The following IFI16 variants were observed in gnomAD, a reference collection of about 807,000 sequenced individuals.
IFI16 encodes the protein interferon gamma inducible protein 16, also known as gamma-interferon-inducible protein 16.
A neutral mutation model predicts 68.4 loss-of-function variants in IFI16; 49 were observed. The ratio of observed to expected loss-of-function variants is 0.72; its 90% CI spans 0.57 to 0.91. IFI16 has a LOEUF of 0.91. IFI16 is among the 40% of genes least tolerant of loss of function. The pLI, the probability that IFI16 is intolerant of heterozygous loss-of-function variation, is 0.00. For synonymous variants in IFI16, 307 were observed against 315.0 expected (o/e 0.97, Z 0.27); for missense variants, 878 against 942.9 (o/e 0.93, Z 0.90).
chr1:159,025,191 C>T (rs2101847826), intron 6 of IFI16, among the ~76,000 whole-genome samples: 1 of 152,324 alleles, frequency 6.6e-6, no homozygotes, highest in Non-Finnish European at 1.5e-5. Flanking sequence ...CGCTCCATTC[C>T]TGCTCAGCGC....
chr1:159,017,641 T>C lies in IFI16; in HGVS notation c.550-588T>C, dbSNP rs142443983. The stretch of plus-strand genomic sequence containing the variant: ...TGTTGTTGTTGAGACAGAGTCTCGC[T>C]CTGTCACCCAGGCTGAAGTGCCGTG... On this transcript the variant is annotated intron_variant, in intron 4 of 11. Coordinates refer to ENST00000295809, the MANE Select transcript of IFI16 (RefSeq NM_001376587.1). 7.8e-3 allele frequency among the ~76,000 whole-genome samples: 1,194 copies of C among 152,198 alleles called. 10 individuals carry two copies. Among genetic ancestry groups the C allele is most frequent in the African/African-American group, 0.027 (1,114 of 41,532 alleles).
chr1:159,013,762 T>C (rs1439452383), intron 1 of IFI16, among the ~76,000 whole-genome samples: 1 of 152,118 alleles, frequency 6.6e-6, no homozygotes, highest in Non-Finnish European at 1.5e-5. Flanking sequence ...TCATGAGGCA[T>C]GAAGACACAA....
intron 6 of IFI16, 147 bp downstream of exon 6, chr1:159,020,676 T>C (rs1653254969): frequency 9.8e-6 from 5 of 512,488 alleles, no homozygotes; most frequent in East Asian, 9.6e-5. Flanking sequence ...ACATTTACTT[T>C]TTTTAATTTT....
At chr1:159,016,053 T>C in intron 3 of IFI16, 66 bp downstream of exon 3, 1 of 981,298 alleles carries the variant, frequency 1.0e-6, no homozygotes, top group Non-Finnish European at 1.6e-6. Flanking sequence ...GCTCTTCCAC[T>C]CAATCTCTCC....
chr1:159,052,289 T>C lies in IFI16; in HGVS notation c.2085+191T>C, dbSNP rs551112883. On this transcript the variant is annotated intron_variant, in intron 10 of 11. Coordinates refer to ENST00000295809, the MANE Select transcript of IFI16 (RefSeq NM_001376587.1). The stretch of plus-strand genomic sequence containing the variant: ...GGTACGTTATATTGTAACATTCCTC[T>C]TCTTAAGGTATCATCATGCAAGTTA... 2.3e-5 allele frequency: 13 copies of C among 576,050 alleles called. No individual in the cohort carries two copies. The African/African-American group carries it at 2.4e-4, about 11-fold the overall frequency. The allele number at this position is 576,050 out of a possible 1,614,324, so 35.7% of individuals were successfully genotyped here.
At chr1:159,050,553 G>A (rs1489095239) in intron 9 of IFI16, among the ~76,000 whole-genome samples, 1 of 152,132 alleles carries the variant, frequency 6.6e-6, no homozygotes, top group Non-Finnish European at 1.5e-5. Context: ...CTCACAGGTG[G>A]CCAATATCAT....
Position 159,053,610 on chromosome 1 carries a change from A to G in IFI16, c.2163A>G (p.Arg721=). Residue 721 remains arginine (R), a synonymous_variant, in exon 11 of 12, where the codon CGA becomes CGG. Transcript: ENST00000295809. ...AGATGGAAGTGGTGGTGCATGGACGACTGACCACAATCAACTGTGAGGAAG... is the reference window on the plus strand; with the variant it reads ...AGATGGAAGTGGTGGTGCATGGACGGCTGACCACAATCAACTGTGAGGAAG... ...TGKMEVVVHG[R]LTTINCEEGD... 1 of 1,613,886 alleles carries G rather than the reference A, an allele frequency of 6.2e-7. No homozygotes were observed. Among genetic ancestry groups the G allele is most frequent in the Non-Finnish European group, 8.5e-7 (1 of 1,179,772 alleles).
At chr1:159,040,662 G>C (rs1198488372) in intron 7 of IFI16, among the ~76,000 whole-genome samples, 1 of 152,160 alleles carries the variant, frequency 6.6e-6, no homozygotes. Flanking sequence ...CATAAAGCAT[G>C]GAAAATGTGT....
intron 8 of IFI16, among the ~76,000 whole-genome samples, chr1:159,049,176 A>G (rs1655189129): frequency 6.7e-6 from 1 of 149,800 alleles, no homozygotes. Context: ...GTTTTACAGG[A>G]TGTGAAGACT....
chr1:159,046,484 T>A (rs1654992703), intron 8 of IFI16, among the ~76,000 whole-genome samples: 1 of 151,312 alleles, frequency 6.6e-6, no homozygotes, highest in Admixed American at 6.6e-5. Flanking sequence ...ATAAACAACA[T>A]ACAATGATTT....
At position 159,053,672 on chromosome 1, in the gene IFI16, C is replaced by T. The variant is rs772714012; in HGVS notation, c.2225C>T (p.Pro742Leu). 29 of 1,613,818 alleles carry T rather than the reference C, an allele frequency of 1.8e-5. No homozygotes were observed. Among genetic ancestry groups the T allele is most frequent in the East Asian group, 2.2e-5 (1 of 44,866 alleles). Residue 742 changes from proline to leucine, a missense_variant, in exon 11 of 12, where the codon CCG becomes CTG. Transcript: ENST00000295809. ...KLKLTCFELA[P>L]KSGNTGELRS... ...AAACTCACCTGCTTTGAATTGGCAC[C>T]GAAAAGTGGGAATACCGGGGAGTTG...
upstream of IFI16, among the ~76,000 whole-genome samples, chr1:159,004,854 A>G (rs1163770449): frequency 6.6e-6 from 1 of 152,238 alleles, no homozygotes; most frequent in East Asian, 1.9e-4. Context: ...TTATCAATCT[A>G]GTAAAGATCC....
Position 159,026,581 on chromosome 1 carries a change from G to A in IFI16, c.1162-5943G>A, listed in dbSNP as rs142870938. ...CCCAAAGTGCTAAGATTACAGGTGT[G>A]AGCCACTGCGCCCGGCCAATATGGT... is the stretch of plus-strand genomic sequence containing the variant. On this transcript the variant is annotated intron_variant, in intron 6 of 11. Transcript: ENST00000295809. Among the ~76,000 whole-genome samples, 941 of 152,186 alleles carry A rather than the reference G, an allele frequency of 6.2e-3. 4 individuals carry two copies. Among genetic ancestry groups the A allele is most frequent in the Non-Finnish European group, 0.01 (680 of 67,996 alleles).
chr1:159,029,211 ATTTG>A (rs1195449492), intron 6 of IFI16, among the ~76,000 whole-genome samples: 1 of 152,098 alleles, frequency 6.6e-6, no homozygotes, highest in Non-Finnish European at 1.5e-5. Flanking sequence ...CTCTCTCAGC[ATTTG>A]TTTGTCTGAA....
At position 159,049,427 on chromosome 1, in the gene IFI16, T is replaced by C; in HGVS notation, c.1498-5T>C. 7.6e-7 allele frequency: 1 copy of C among 1,310,584 alleles called. No individual in the cohort carries two copies. The highest frequency in any genetic ancestry group is 2.3e-5 in the East Asian group (1 of 42,966). 81.2% of individuals were successfully genotyped at this position (1,310,584 alleles called of 1,614,324 possible). On this transcript the variant is annotated splice_region_variant and splice_polypyrimidine_tract_variant and intron_variant, in intron 8 of 11. Transcript: ENST00000295809. Reference sequence around the variant, plus strand: ...AAAAAAGAACAAACATCTATTTTCCTTTAGAAAAGTGAAGACACAATCTCC... The same window carrying C: ...AAAAAAGAACAAACATCTATTTTCCCTTAGAAAAGTGAAGACACAATCTCC...
At chr1:159,038,141 T>C (rs1654428297) in intron 7 of IFI16, among the ~76,000 whole-genome samples, 3 of 151,744 alleles carry the variant, frequency 2.0e-5, no homozygotes. Flanking sequence ...ATCATGCAAA[T>C]ATGTTTCTTC....
intron 9 of IFI16, among the ~76,000 whole-genome samples, 173 bp downstream of exon 9, chr1:159,049,772 C>G (rs1359926168): frequency 6.6e-6 from 1 of 152,138 alleles, no homozygotes; most frequent in Non-Finnish European, 1.5e-5. Context: ...AATTAAAATT[C>G]TGTTTTTATC....
intron 6 of IFI16, among the ~76,000 whole-genome samples, chr1:159,029,140 T>A (rs187256618): frequency 8.9e-4 from 135 of 152,346 alleles, no homozygotes; most frequent in African/African-American, 3.1e-3. Context: ...TTTCGAGGAT[T>A]CATTTCAAGA....
At position 159,018,264 on chromosome 1, in the gene IFI16, C is replaced by T. The variant is rs1571840952; in HGVS notation, c.585C>T (p.Pro195=). Residue 195 remains proline, a synonymous_variant, in exon 5 of 12, where the codon CCC becomes CCT. Coordinates refer to ENST00000295809, the MANE Select transcript of IFI16 (RefSeq NM_001376587.1). ...PKTVAKCQVT[P]RRNVLQKRPV... ...CAGTGGCCAAATGTCAGGTAACTCCCAGAAGAAATGTTCTCCAAAAACGCC... is the reference window on the plus strand; with the variant it reads ...CAGTGGCCAAATGTCAGGTAACTCCTAGAAGAAATGTTCTCCAAAAACGCC... 1.9e-6 allele frequency: 3 copies of T among 1,613,822 alleles called. No homozygotes were observed. The highest frequency in any genetic ancestry group is 8.5e-7 in the Non-Finnish European group (1 of 1,179,906).
Sources: allele counts gnomAD v4.1 joint callset (sites outside exome capture counted in the v4.1 genomes callset), GRCh38; gene constraint gnomAD v4.1.1; transcripts MANE v1.5; gene names NCBI Gene and HGNC (gene_info 2026-07-23, HGNC 2026-07-21).